CNTNAP2: variants seen among roughly 807,000 people sequenced by gnomAD.
CNTNAP2 encodes the protein contactin associated protein 2.
CNTNAP2 carries 98 observed loss-of-function variants against 155.2 expected under a neutral mutation model. The observed-to-expected ratio is 0.63, with a 90% CI of 0.54 to 0.75. The LOEUF is 0.75. Ranked by LOEUF, CNTNAP2 falls within the 30% of genes least tolerant of loss-of-function variation. CNTNAP2 has a pLI of 0.00. For synonymous variants in CNTNAP2, 651 were observed against 631.2 expected, an observed-to-expected ratio of 1.03 and a Z score of -0.47; for missense variants, 1,727 against 1,688.1, an observed-to-expected ratio of 1.02 and a Z score of -0.40.
intron 1 of CNTNAP2, among the ~76,000 whole-genome samples, chr7:146,198,962 T>C (rs2116863567): frequency 6.6e-6 from 1 of 152,334 alleles, no homozygotes; most frequent in East Asian, 1.9e-4. Context: ...ATTTCCCTAA[T>C]CTCTACTCTG....
chr7:147,832,345 T>C (rs994992114), intron 13 of CNTNAP2, among the ~76,000 whole-genome samples: 1 of 146,578 alleles, frequency 6.8e-6, no homozygotes. Context: ...TATACATATA[T>C]CTATATACAT....
At chr7:146,652,060 C>T (rs568566061) in intron 1 of CNTNAP2, among the ~76,000 whole-genome samples, 12 of 151,914 alleles carry the variant, frequency 7.9e-5, no homozygotes, top group East Asian at 3.8e-4. Context: ...TTAGAAATAA[C>T]GATAAATTGA....
chr7:147,536,647 G>A (rs974015663), intron 11 of CNTNAP2, among the ~76,000 whole-genome samples: 1 of 152,222 alleles, frequency 6.6e-6, no homozygotes, highest in Admixed American at 6.5e-5. Context: ...GTGGGAGGGA[G>A]AGGAGTCCTG....
intron 18 of CNTNAP2, among the ~76,000 whole-genome samples, chr7:148,179,628 GGAGAGAAA>G (rs879787644): frequency 1.7e-4 from 23 of 136,128 alleles, no homozygotes; most frequent in Non-Finnish European, 2.5e-4. Flanking sequence ...AAGGAAGGAA[GGAGAGAAA>G]GAGAGAAAGA....
intron 8 of CNTNAP2, among the ~76,000 whole-genome samples, chr7:147,196,395 T>C (rs907378147): frequency 6.6e-6 from 1 of 152,220 alleles, no homozygotes; most frequent in African/African-American, 2.4e-5. Flanking sequence ...AAGTAAAATA[T>C]TAGCTAGGAA....
At chr7:148,000,213 G>T (rs574695244) in intron 15 of CNTNAP2, among the ~76,000 whole-genome samples, 2 of 152,164 alleles carry the variant, frequency 1.3e-5, no homozygotes, top group Non-Finnish European at 2.9e-5. Context: ...TGTCTTGAGA[G>T]AGAAAGGGTT....
At chr7:147,276,705 T>G (rs769581089) in intron 8 of CNTNAP2, among the ~76,000 whole-genome samples, 41 of 152,052 alleles carry the variant, frequency 2.7e-4, no homozygotes, top group Non-Finnish European at 4.7e-4. Flanking sequence ...TCATAAGGTC[T>G]TCTTGTATAT....
chr7:146,324,777 T>TTATATATA (rs149639520), intron 1 of CNTNAP2, among the ~76,000 whole-genome samples: 3,938 of 150,516 alleles, frequency 0.026, 158 homozygotes, highest in African/African-American at 0.091. Context: ...GGAAGAGTAA[T>TTATATATA]TATATATATA....
At chr7:146,681,650 T>G (rs58404206) in intron 1 of CNTNAP2, among the ~76,000 whole-genome samples, 1 of 71,264 alleles carries the variant, frequency 1.4e-5, no homozygotes, top group Non-Finnish European at 3.7e-5. Flanking sequence ...AAGAGAGGAA[T>G]GGGAAAAATA....
At chr7:148,311,772 G>A (rs951585654) in intron 21 of CNTNAP2, among the ~76,000 whole-genome samples, 6 of 152,154 alleles carry the variant, frequency 3.9e-5, no homozygotes, top group African/African-American at 9.7e-5. Flanking sequence ...GGTGTGTGGC[G>A]ATTAGGCCTG....
intron 20 of CNTNAP2, among the ~76,000 whole-genome samples, chr7:148,243,019 A>AAG (rs2116801635): frequency 1.3e-5 from 2 of 152,294 alleles, no homozygotes; most frequent in African/African-American, 4.8e-5. Context: ...CTGGGCTGGC[A>AAG]GCTCAAGAGA....
chr7:147,852,160 T>G (rs1798956762), intron 13 of CNTNAP2, among the ~76,000 whole-genome samples: 1 of 152,176 alleles, frequency 6.6e-6, no homozygotes, highest in African/African-American at 2.4e-5. Context: ...GCCGAACACT[T>G]TACAACATGA....
rs79954691 is a variant in CNTNAP2 at position 147,824,547 on chromosome 7, G to C, written c.2099-79018G>C. On this transcript the variant is annotated intron_variant, in intron 13 of 23. Transcript: ENST00000361727. ...CATTAAATCTCACATCAGAAGGAAC[G>C]AGTTTTGGCATGTCTGTATCGCCAA... Among the ~76,000 whole-genome samples, 4 of 152,094 alleles carry C rather than the reference G, an allele frequency of 2.6e-5. No individual in the cohort carries two copies. In the East Asian group the frequency reaches 7.7e-4, roughly 29 times the overall value.
At chr7:146,144,892 G>A (rs1259193518) in intron 1 of CNTNAP2, among the ~76,000 whole-genome samples, 5 of 152,150 alleles carry the variant, frequency 3.3e-5, no homozygotes, top group African/African-American at 1.2e-4. Context: ...GAATGAAACA[G>A]TGAATGGAAG....
chr7:146,751,124 A>G lies in CNTNAP2; in HGVS notation c.98-23147A>G, dbSNP rs117141566. On this transcript the variant is annotated intron_variant, in intron 1 of 23. Transcript: ENST00000361727. ...TCAAAGAGTCTTAATAGCATGGGAA[A>G]ATTAGTTTTATTGTGCAGATATATT... 4.7e-3 allele frequency among the ~76,000 whole-genome samples: 715 copies of G among 152,116 alleles called. 3 individuals are homozygous for G. Among genetic ancestry groups the G allele is most frequent in the Non-Finnish European group, 8.8e-3 (599 of 68,008 alleles).
At chr7:147,412,925 A>G (rs1369177932) in intron 10 of CNTNAP2, among the ~76,000 whole-genome samples, 1 of 152,214 alleles carries the variant, frequency 6.6e-6, no homozygotes, top group Non-Finnish European at 1.5e-5. Flanking sequence ...CTGTAGTCCA[A>G]GGAATTCATA....
chr7:147,486,094 T>A, intron 11 of CNTNAP2, 53 bp downstream of exon 11: 1 of 1,491,832 alleles, frequency 6.7e-7, no homozygotes, highest in Non-Finnish European at 9.4e-7. Flanking sequence ...GAATCTCAAG[T>A]CTTGAGCTGT....
At chr7:146,169,815 T>C (rs1798362827) in intron 1 of CNTNAP2, among the ~76,000 whole-genome samples, 1 of 151,488 alleles carries the variant, frequency 6.6e-6, no homozygotes, top group African/African-American at 2.4e-5. Context: ...CTTTTAAGGT[T>C]GAATAATATT....
chr7:147,325,640 T>A (rs947599252), intron 9 of CNTNAP2, among the ~76,000 whole-genome samples: 1 of 152,220 alleles, frequency 6.6e-6, no homozygotes, highest in Non-Finnish European at 1.5e-5. Context: ...ATTCCCTAAA[T>A]AATAGTGGGA....
Sources: allele counts gnomAD v4.1 joint callset (sites outside exome capture counted in the v4.1 genomes callset), GRCh38; gene constraint gnomAD v4.1.1; transcripts MANE v1.5; gene names NCBI Gene and HGNC (gene_info 2026-07-23, HGNC 2026-07-21).